The following GPRC5B variants were observed in gnomAD, a reference collection of about 807,000 sequenced individuals.
GPRC5B encodes the protein G protein-coupled receptor family C group 5 member B.
A neutral mutation model predicts 30.1 loss-of-function variants in GPRC5B; 16 were observed. The ratio of observed to expected loss-of-function variants is 0.53; its 90% CI spans 0.36 to 0.81. GPRC5B has a LOEUF of 0.81. Ranked by LOEUF, GPRC5B falls within the 30% of genes least tolerant of loss-of-function variation. The pLI, the probability that GPRC5B is intolerant of heterozygous loss-of-function variation, is 0.01. For missense variants in GPRC5B, 428 were observed against 544.7 expected (o/e 0.79, Z 2.13); for synonymous variants, 241 against 239.5 (o/e 1.01, Z -0.06).
intron 2 of GPRC5B, 26 bp downstream of exon 2, chr16:19,871,790 A>C: frequency 1.3e-6 from 2 of 1,597,460 alleles, no homozygotes; most frequent in Non-Finnish European, 1.7e-6. Flanking sequence ...CCCCGGCCTG[A>C]CCCAGCCGGG....
At chr16:19,865,704 C>T (rs953801629) in intron 2 of GPRC5B, among the ~76,000 whole-genome samples, 9 of 152,178 alleles carry the variant, frequency 5.9e-5, no homozygotes, top group East Asian at 5.8e-4. Context: ...CACTGTTTAT[C>T]GTTGAGAGTC....
chr16:19,873,466 A>G (rs1383898173), intron 1 of GPRC5B, among the ~76,000 whole-genome samples: 3 of 146,150 alleles, frequency 2.1e-5, no homozygotes, highest in East Asian at 4.0e-4. Context: ...TCCGTCTCCA[A>G]AAAAAAAAAA....
intron 1 of GPRC5B, among the ~76,000 whole-genome samples, chr16:19,883,747 C>A (rs545754524): frequency 2.0e-5 from 3 of 152,326 alleles, no homozygotes; most frequent in African/African-American, 7.2e-5. Flanking sequence ...CCTTAGCGAA[C>A]GGGGGACGGA....
intron 1 of GPRC5B, among the ~76,000 whole-genome samples, chr16:19,875,012 A>C (rs2056750354): frequency 6.6e-6 from 1 of 152,078 alleles, no homozygotes; most frequent in African/African-American, 2.4e-5. Context: ...GGTTGTGACC[A>C]GCTGCTCTCC....
intron 1 of GPRC5B, among the ~76,000 whole-genome samples, chr16:19,878,117 T>C (rs1436031257): frequency 4.6e-5 from 7 of 151,688 alleles, no homozygotes; most frequent in Admixed American, 3.3e-4. Context: ...GAGAATGATG[T>C]GAACCCAGGA....
At chr16:19,883,273 A>T (rs907129255) in intron 1 of GPRC5B, among the ~76,000 whole-genome samples, 1 of 151,486 alleles carries the variant, frequency 6.6e-6, no homozygotes, top group African/African-American at 2.4e-5. Flanking sequence ...TGTGCCCCCA[A>T]ATGGCGGCTC....
intron 3 of GPRC5B, 74 bp downstream of exon 3, chr16:19,861,763 G>T: frequency 7.8e-7 from 1 of 1,286,724 alleles, no homozygotes; most frequent in Non-Finnish European, 1.1e-6. Flanking sequence ...GGAGGAGTAT[G>T]TCCCTGTTGA....
At chr16:19,867,243 G>A (rs1406526864) in intron 2 of GPRC5B, among the ~76,000 whole-genome samples, 2 of 152,218 alleles carry the variant, frequency 1.3e-5, no homozygotes, top group African/African-American at 4.8e-5. Context: ...GGTCAGGCAT[G>A]CGGGCTCTGG....
At chr16:19,885,106 C>T (rs1340969467), upstream of GPRC5B, 4 of 922,156 alleles carry the variant, frequency 4.3e-6, no homozygotes, top group Non-Finnish European at 6.1e-6. This position sits in a 1 kb window ranked among gnomAD's most constrained non-coding sequence, Gnocchi z 5.3. Flanking sequence ...GACATTCCCC[C>T]CACAACGTCA....
chr16:19,862,225 GGGCCTCTGGTTCCCCCTCCAAGCCACGCA>G (rs1311483876), intron 2 of GPRC5B: 1 of 441,186 alleles, frequency 2.3e-6, no homozygotes, highest in Non-Finnish European at 4.1e-6. Flanking sequence ...GCCCATGGTT[GGGCCTCTGGTTCCCCCTCCAAGCCACGCA>G]GCCTCTGCAG....
rs2056600066 is a variant in GPRC5B, at chr16:19,859,162, A to G, written c.*1338T>C. ...TCTGCAGAAGGACCCACCCTCATTT[A>G]TACATTCCATGCCGTCAGGTTAAAA... On this transcript the variant is annotated 3_prime_UTR_variant, in exon 4 of 4. Transcript: ENST00000300571. 6.6e-6 allele frequency: 1 copy of G among 152,628 alleles called. No homozygotes were observed. The highest frequency in any genetic ancestry group is 1.5e-5 in the Non-Finnish European group (1 of 68,060). The allele number at this position is 152,628 out of a possible 1,614,324, so 9.5% of individuals were successfully genotyped here.
chr16:19,874,340 C>G (rs111240532), intron 1 of GPRC5B, among the ~76,000 whole-genome samples: 189 of 152,282 alleles, frequency 1.2e-3, no homozygotes, highest in African/African-American at 4.5e-3. Context: ...GAGCTCAGCT[C>G]TGATGCCATC....
chr16:19,876,471 C>G (rs1036439127), intron 1 of GPRC5B, among the ~76,000 whole-genome samples: 6 of 152,196 alleles, frequency 3.9e-5, no homozygotes, highest in Admixed American at 6.5e-5. Flanking sequence ...CAGCAGCAGG[C>G]CTGCACCCTG....
chr16:19,858,572 GT>G lies in GPRC5B; in HGVS notation c.*1927del, dbSNP rs992411736. 1.2e-5 allele frequency: 8 copies of G among 671,736 alleles called. No individual in the cohort carries two copies. The East Asian group carries it at 1.9e-4, about 16-fold the overall frequency. 41.6% of individuals were successfully genotyped at this position (671,736 alleles called of 1,614,324 possible). On this transcript the variant is annotated 3_prime_UTR_variant, in exon 4 of 4. Transcript: ENST00000300571. ...TGGCACGAGAATGTGTAATGCTGTC[GT>G]TTTTTCACCGGACAGGACCGAGGTG...
chr16:19,862,066 C>T, intron 2 of GPRC5B, 93 bp from the exon 3 acceptor site: 4 of 1,125,016 alleles, frequency 3.6e-6, no homozygotes, highest in Non-Finnish European at 5.2e-6. Flanking sequence ...TCCGGGCACC[C>T]CCATCCACCC....
At chr16:19,884,144 C>T (rs1184487345) in intron 1 of GPRC5B, among the ~76,000 whole-genome samples, 2 of 146,878 alleles carry the variant, frequency 1.4e-5, no homozygotes, top group Admixed American at 6.8e-5. Context: ...CATTCGTCCC[C>T]AGCCCAGGTC....
rs1173014804 is a variant in GPRC5B at position 19,857,416 on chromosome 16, T to C, written c.*3084A>G. ...TTTATATAGTCGTTTATGGTACATA[T>C]TGATTGTCTTGAAATTTCTTTAACT... On this transcript the variant is annotated 3_prime_UTR_variant, in exon 4 of 4. Coordinates refer to ENST00000300571, the MANE Select transcript of GPRC5B (RefSeq NM_016235.3). 5 of 438,862 alleles carry C rather than the reference T, an allele frequency of 1.1e-5. No individual in the cohort carries two copies. The highest frequency in any genetic ancestry group is 2.1e-5 in the African/African-American group (1 of 48,714). 27.2% of individuals were successfully genotyped at this position (438,862 alleles called of 1,614,324 possible).
At chr16:19,868,533 C>G (rs1004760944) in intron 2 of GPRC5B, among the ~76,000 whole-genome samples, 5 of 152,210 alleles carry the variant, frequency 3.3e-5, no homozygotes, top group East Asian at 3.9e-4. Flanking sequence ...TCTCTGCTCA[C>G]GACATTCCCT....
At chr16:19,879,399 G>A (rs1016742125) in intron 1 of GPRC5B, among the ~76,000 whole-genome samples, 2 of 151,576 alleles carry the variant, frequency 1.3e-5, no homozygotes, top group Admixed American at 6.6e-5. Flanking sequence ...TAAATATACT[G>A]CATCTCTCTC....
Sources: gnomAD v4.1 joint callset for allele counts (sites outside exome capture counted in the v4.1 genomes callset) on GRCh38, gnomAD v4.1.1 for gene constraint, Gnocchi (gnomAD v3.1) non-coding constraint, MANE v1.5 for transcripts, NCBI Gene and HGNC (gene_info 2026-07-23, HGNC 2026-07-21) for gene names.